The following POU6F2 variants were observed in gnomAD, a reference collection of about 807,000 sequenced individuals.
POU6F2 encodes the protein POU class 6 homeobox 2, also known as POU domain, class 6, transcription factor 2.
POU6F2 carries 31 observed loss-of-function variants against 71.3 expected under a neutral mutation model. That is an observed-to-expected ratio of 0.43 (90% CI 0.33 to 0.59). The LOEUF (loss-of-function observed/expected upper bound fraction) is 0.59, where lower values mean the gene tolerates loss of function less well. Among genes scored for constraint, POU6F2 ranks in the 20% least tolerant of loss-of-function variants. The pLI is 0.04. For missense variants in POU6F2, 783 were observed against 856.8 expected, an observed-to-expected ratio of 0.91 and a Z score of 1.07; for synonymous variants, 347 against 355.7, an observed-to-expected ratio of 0.98 and a Z score of 0.27.
intron 4 of POU6F2, among the ~76,000 whole-genome samples, chr7:39,308,998 C>T (rs555653512): frequency 1.3e-5 from 2 of 152,238 alleles, no homozygotes; most frequent in African/African-American, 4.8e-5. Context: ...ACACACGCCA[C>T]CTTTATGAGG....
At chr7:38,993,611 AACAC>A (rs10553247) in intron 1 of POU6F2, among the ~76,000 whole-genome samples, 4,825 of 130,146 alleles carry the variant, frequency 0.037, 122 homozygotes, top group African/African-American at 0.056. Flanking sequence ...CAGGATTTTA[AACAC>A]ACACACACAC....
intron 4 of POU6F2, among the ~76,000 whole-genome samples, chr7:39,333,846 G>T (rs1785708790): frequency 6.6e-6 from 1 of 152,200 alleles, no homozygotes; most frequent in African/African-American, 2.4e-5. Flanking sequence ...ACTTGCTGCA[G>T]CTCCCTGTAG....
At chr7:39,269,475 G>A (rs974476930) in intron 4 of POU6F2, among the ~76,000 whole-genome samples, 3 of 152,220 alleles carry the variant, frequency 2.0e-5, no homozygotes, top group Non-Finnish European at 2.9e-5. Context: ...TCGGCTGGGC[G>A]GCAGGGCTGG....
At chr7:39,006,669 C>T (rs1489873648) in intron 1 of POU6F2, 2 of 625,164 alleles carry the variant, frequency 3.2e-6, no homozygotes, top group Admixed American at 5.1e-5. Context: ...TTCTGTCTGC[C>T]AAGTCCTGTA....
intron 5 of POU6F2, chr7:39,373,716 GCTAT>G (rs1445177095): frequency 5.9e-6 from 2 of 339,550 alleles, no homozygotes; most frequent in African/African-American, 4.3e-5. Context: ...CTACCCAGTT[GCTAT>G]CTATGTTCAT....
Position 39,433,222 on chromosome 7 carries a change from AGATCCTGCCCGT to A in POU6F2, c.1264_1275del (p.Leu422_Ile425del). ...ATCATCGCCACAGTCATTGGGAACC[AGATCCTGCCCGT>A]GATCAACACCCAGGGCATCACGCTG... is the stretch of plus-strand genomic sequence containing the variant. On this transcript the variant is annotated inframe_deletion, in exon 7 of 10. Coordinates refer to ENST00000518318, the MANE Select transcript of POU6F2 (RefSeq NM_001370959.1). The A allele has an allele frequency of 1.2e-6, 2 of 1,613,634 alleles. No individual in the cohort carries two copies. Among genetic ancestry groups the A allele is most frequent in the Non-Finnish European group, 1.7e-6 (2 of 1,179,790 alleles).
chr7:39,314,201 G>A (rs370316395), intron 4 of POU6F2, among the ~76,000 whole-genome samples: 2 of 152,184 alleles, frequency 1.3e-5, no homozygotes, highest in African/African-American at 2.4e-5. Context: ...CACTCCCGGC[G>A]TGTGGGAGTC....
chr7:39,385,293 CTT>C (rs1389800522), intron 5 of POU6F2, among the ~76,000 whole-genome samples: 2 of 152,212 alleles, frequency 1.3e-5, no homozygotes, highest in African/African-American at 4.8e-5. Flanking sequence ...CTTTTTCCCT[CTT>C]GTGTTTTTAT....
chr7:39,247,930 G>C (rs1248172399), intron 4 of POU6F2, among the ~76,000 whole-genome samples: 1 of 152,156 alleles, frequency 6.6e-6, no homozygotes, highest in Non-Finnish European at 1.5e-5. Flanking sequence ...TCTGGGTAGA[G>C]GTAGGTCTTT....
At chr7:39,308,342 G>A (rs1376169324) in intron 4 of POU6F2, among the ~76,000 whole-genome samples, 2 of 152,192 alleles carry the variant, frequency 1.3e-5, no homozygotes, top group African/African-American at 4.8e-5. Flanking sequence ...GCTGCCACCT[G>A]CAGTTAAATA....
At chr7:39,182,345 A>G (rs1164009853) in intron 2 of POU6F2, among the ~76,000 whole-genome samples, 1 of 152,220 alleles carries the variant, frequency 6.6e-6, no homozygotes, top group East Asian at 1.9e-4. Context: ...TTTGAAAATC[A>G]TTGATCTAAC....
intron 4 of POU6F2, among the ~76,000 whole-genome samples, chr7:39,326,725 A>AT (rs1385871397): frequency 6.6e-6 from 1 of 152,156 alleles, no homozygotes; most frequent in Non-Finnish European, 1.5e-5. Context: ...ATAGAACTGC[A>AT]TTTTTTTCTT....
At chr7:38,992,323 T>G (rs542185308) in intron 1 of POU6F2, among the ~76,000 whole-genome samples, 1 of 152,234 alleles carries the variant, frequency 6.6e-6, no homozygotes, top group Non-Finnish European at 1.5e-5. Flanking sequence ...AGGCTATCCT[T>G]GAAAACAGTC....
intron 4 of POU6F2, among the ~76,000 whole-genome samples, chr7:39,281,260 G>A (rs145353791): frequency 1.5e-3 from 234 of 152,192 alleles, no homozygotes; most frequent in African/African-American, 5.4e-3. Flanking sequence ...AGGGTATTTA[G>A]CATACCTGTC....
At chr7:39,295,898 T>C (rs1428653541) in intron 4 of POU6F2, among the ~76,000 whole-genome samples, 1 of 152,200 alleles carries the variant, frequency 6.6e-6, no homozygotes, top group East Asian at 1.9e-4. Flanking sequence ...TGAGGAATCT[T>C]GGTACCTGCC....
chr7:39,070,940 G>A (rs1368136892), intron 1 of POU6F2, among the ~76,000 whole-genome samples: 5 of 152,170 alleles, frequency 3.3e-5, no homozygotes, highest in Non-Finnish European at 7.3e-5. Context: ...ATCACTTAGA[G>A]GAGTGGATGG....
intron 2 of POU6F2, among the ~76,000 whole-genome samples, chr7:39,121,402 T>A (rs971952720): frequency 6.6e-6 from 1 of 152,200 alleles, no homozygotes; most frequent in Non-Finnish European, 1.5e-5. Flanking sequence ...TATTCTCCCA[T>A]CCATACTTAT....
At chr7:39,253,056 G>A (rs547945567) in intron 4 of POU6F2, among the ~76,000 whole-genome samples, 100 of 152,276 alleles carry the variant, frequency 6.6e-4, no homozygotes, top group African/African-American at 2.3e-3. Flanking sequence ...TTCCATGAAC[G>A]TTAGTGCAGG....
chr7:39,321,656 A>G (rs1262664781), intron 4 of POU6F2, among the ~76,000 whole-genome samples: 1 of 152,200 alleles, frequency 6.6e-6, no homozygotes, highest in East Asian at 1.9e-4. Flanking sequence ...TAGGATGTGA[A>G]TGAAGTGCAG....
Sources: allele counts gnomAD v4.1 joint callset (sites outside exome capture counted in the v4.1 genomes callset), GRCh38; gene constraint gnomAD v4.1.1; transcripts MANE v1.5; gene names NCBI Gene and HGNC (gene_info 2026-07-23, HGNC 2026-07-21).